The following TMEM106C variants were observed in gnomAD, a reference collection of about 807,000 sequenced individuals.
TMEM106C encodes the protein endoplasmic reticulum membrane protein overexpressed in cancer.
In TMEM106C, 27 loss-of-function variants were observed where a neutral mutation model predicts 30.8. The observed-to-expected ratio is 0.88, with a 90% CI of 0.65 to 1.21. TMEM106C has a LOEUF of 1.21. Among genes scored for constraint, TMEM106C ranks in the 50% most tolerant of loss-of-function variants. The pLI, the probability that TMEM106C is intolerant of heterozygous loss-of-function variation, is 0.00. For synonymous variants in TMEM106C, 123 were observed against 118.8 expected, an observed-to-expected ratio of 1.04 and a Z score of -0.23; for missense variants, 288 against 307.8, an observed-to-expected ratio of 0.94 and a Z score of 0.48.
chr12:47,967,321 T>G (rs1938270807), intron 7 of TMEM106C, 60 bp downstream of exon 7: 2 of 1,584,288 alleles, frequency 1.3e-6, no homozygotes, highest in Non-Finnish European at 8.7e-7. Context: ...CCACCTTTGC[T>G]CAGGAGGCCC....
In TMEM106C at chr12:47,965,952, A is replaced by G; in HGVS notation, c.366A>G (p.Lys122=). ...LVDDDGIKVV[K]VTFNKQDSLV... ...ATGATGACGGCATCAAAGTGGTGAA[A>G]GTCACATTTAATAAGCAAGACTCCC... The change falls in exon 4 of 8, where the codon AAA becomes AAG. Residue 122 remains lysine (K), a synonymous_variant. Coordinates refer to ENST00000429772, the MANE Select transcript of TMEM106C (RefSeq NM_001143842.2). 4 of 1,614,210 alleles carry G rather than the reference A, an allele frequency of 2.5e-6. No individual in the cohort carries two copies. The highest frequency in any genetic ancestry group is 1.1e-5 in the South Asian group (1 of 91,080).
intron 3 of TMEM106C, chr12:47,965,622 C>T (rs1938194591): frequency 1.4e-6 from 1 of 705,844 alleles, no homozygotes; most frequent in Non-Finnish European, 2.4e-6. Flanking sequence ...GTCCACATAG[C>T]TCCTTTCTTC....
At chr12:47,967,163 T>TAA in intron 6 of TMEM106C, 45 bp from the exon 7 acceptor site, 4 of 1,534,172 alleles carry the variant, frequency 2.6e-6, no homozygotes, top group Non-Finnish European at 2.7e-6. Context: ...TACTGAGGCT[T>TAA]TAAAAAAAAA....
At chr12:47,967,108 G>A in intron 6 of TMEM106C, 100 bp from the exon 7 acceptor site, 1 of 1,235,966 alleles carries the variant, frequency 8.1e-7, no homozygotes, top group South Asian at 1.2e-5. Context: ...GGTCGGAAGG[G>A]GGAGGGGGGC....
intron 2 of TMEM106C, 102 bp from the exon 3 acceptor site, chr12:47,965,180 C>T: frequency 2.2e-6 from 2 of 912,176 alleles, no homozygotes; most frequent in Middle Eastern, 2.2e-4. Context: ...TTTAAAATGT[C>T]TCATTCCAGA....
At chr12:47,967,019 CAG>C (rs1431904148) in intron 6 of TMEM106C, 187 bp from the exon 7 acceptor site, 2 of 691,964 alleles carry the variant, frequency 2.9e-6, no homozygotes, top group Non-Finnish European at 5.0e-6. Context: ...TTTGAAAAAA[CAG>C]AAAGTGGTAT....
chr12:47,966,309 C>T, intron 5 of TMEM106C, 80 bp downstream of exon 5: 1 of 1,523,410 alleles, frequency 6.6e-7, no homozygotes, highest in Non-Finnish European at 8.9e-7. Context: ...AGCTGTGTCA[C>T]TTTCCTTTTT....
intron 5 of TMEM106C, 41 bp from the exon 6 acceptor site, chr12:47,966,642 G>T: frequency 6.2e-7 from 1 of 1,609,848 alleles, no homozygotes; most frequent in Non-Finnish European, 8.5e-7. Flanking sequence ...TCTGTGTCAA[G>T]CCTGCTTGGC....
Position 47,968,534 on chromosome 12 carries a change from T to C in TMEM106C, c.*305T>C, listed in dbSNP as rs1287287340. On this transcript the variant is annotated 3_prime_UTR_variant, in exon 8 of 8. Coordinates refer to ENST00000429772, the MANE Select transcript of TMEM106C (RefSeq NM_001143842.2). Reference sequence around the variant, plus strand: ...CTTAGGGCATTATAAATGGAAATCATAACGTGGTTCTAGGTTATCAAACCA... The same window carrying C: ...CTTAGGGCATTATAAATGGAAATCACAACGTGGTTCTAGGTTATCAAACCA... 1 of 398,646 alleles carries C rather than the reference T, an allele frequency of 2.5e-6. No homozygotes were observed. Among genetic ancestry groups the C allele is most frequent in the African/African-American group, 2.1e-5 (1 of 48,238 alleles). The allele number at this position is 398,646 out of a possible 1,614,324, so 24.7% of individuals were successfully genotyped here.
At position 47,964,267 on chromosome 12, in the gene TMEM106C, C is replaced by G; in HGVS notation, c.31C>G (p.Pro11Ala). Residue 11 changes from proline to alanine, a missense_variant, in exon 2 of 8, where the codon CCC becomes GCC. By Grantham distance (27) the Pro-to-Ala change is conservative. Coordinates refer to ENST00000429772, the MANE Select transcript of TMEM106C (RefSeq NM_001143842.2). MGSQHSAAAR[P>A]SSCRRKQEDD... ...GTCTCAGCATTCCGCTGCTGCTCGC[C>G]CCTCCTCCTGCAGGCGAAAGCAAGA... The G allele has an allele frequency of 6.2e-7, 1 of 1,613,864 alleles. No individual in the cohort carries two copies. The highest frequency in any genetic ancestry group is 1.1e-5 in the South Asian group (1 of 90,980).
intron 7 of TMEM106C, 68 bp downstream of exon 7, chr12:47,967,329 C>T: frequency 6.4e-7 from 1 of 1,561,046 alleles, no homozygotes; most frequent in East Asian, 2.2e-5. Flanking sequence ...GCTCAGGAGG[C>T]CCCTGTGTGA....
chr12:47,966,282 G>C, intron 5 of TMEM106C, 53 bp downstream of exon 5: 1 of 1,595,978 alleles, frequency 6.3e-7, no homozygotes. Flanking sequence ...AAGAGTAGGG[G>C]GCTGTAGGAA....
chr12:47,968,436 C>T lies in TMEM106C; in HGVS notation c.*207C>T. The T allele has an allele frequency of 1.5e-6, 1 of 652,934 alleles. No homozygotes were observed. Among genetic ancestry groups the T allele is most frequent in the Non-Finnish European group, 2.8e-6 (1 of 355,674 alleles). 40.4% of individuals were successfully genotyped at this position (652,934 alleles called of 1,614,324 possible). On this transcript the variant is annotated 3_prime_UTR_variant, in exon 8 of 8. Transcript: ENST00000429772. ...TTCTCAGAACCAGCAGAATCAGTGC[C>T]TAGCCTGTGCCCAGCAAATAGTTGG...
At chr12:47,964,527 G>A in intron 2 of TMEM106C, 104 bp downstream of exon 2, 7 of 1,080,478 alleles carry the variant, frequency 6.5e-6, no homozygotes, top group Non-Finnish European at 9.6e-6. Flanking sequence ...CCATAATAGA[G>A]ACAGTGCCCT....
rs1370779208 is a variant in TMEM106C at position 47,965,281 on chromosome 12, G to A, written c.188-1G>A. The stretch of plus-strand genomic sequence containing the variant: ...AAAATAATTGTTTGGCTCTTTTCTA[G>A]AGCAAGTAAATGAGTTGGTGGCTTT... On this transcript the variant is annotated splice_acceptor_variant, in intron 2 of 7. Transcript: ENST00000429772. LOFTEE classifies it high-confidence loss of function. 2 of 1,613,784 alleles carry A rather than the reference G, an allele frequency of 1.2e-6. No individual in the cohort carries two copies. Among genetic ancestry groups the A allele is most frequent in the South Asian group, 1.1e-5 (1 of 91,006 alleles).
At chr12:47,964,751 A>G (rs1007178478) in intron 2 of TMEM106C, 4 of 358,400 alleles carry the variant, frequency 1.1e-5, no homozygotes, top group African/African-American at 6.3e-5. Context: ...CGGGGGAACC[A>G]TCTTGGAAGC....
chr12:47,963,736 G>C, intron 1 of TMEM106C, 32 bp downstream of exon 1: 1 of 163,718 alleles, frequency 6.1e-6, no homozygotes, highest in Non-Finnish European at 1.3e-5. Context: ...TCCTGCCTGG[G>C]CCACTTTGGT....
intron 2 of TMEM106C, chr12:47,964,770 A>G: frequency 2.9e-6 from 1 of 344,696 alleles, no homozygotes; most frequent in East Asian, 7.2e-5. Context: ...GCTGCTTTTC[A>G]AGGAAATGGG....
chr12:47,967,164 TAAA>T, intron 6 of TMEM106C, 41 bp from the exon 7 acceptor site: 2 of 1,418,788 alleles, frequency 1.4e-6, no homozygotes, highest in Non-Finnish European at 2.0e-6. Flanking sequence ...ACTGAGGCTT[TAAA>T]AAAAAAAAAA....
Sources: allele counts gnomAD v4.1 joint callset, GRCh38; gene constraint gnomAD v4.1.1; transcripts MANE v1.5; gene names NCBI Gene and HGNC (gene_info 2026-07-23, HGNC 2026-07-21).